The following ALG14 variants were observed in gnomAD, a reference collection of about 807,000 sequenced individuals.
ALG14 encodes the protein UDP-N-acetylglucosamine transferase subunit ALG14.
In ALG14, 17 loss-of-function variants were observed where a neutral mutation model predicts 22.8. The observed-to-expected ratio is 0.75, with a 90% CI of 0.51 to 1.12. ALG14 has a LOEUF of 1.12. Ranked by LOEUF, ALG14 falls within the 50% of genes most tolerant of loss-of-function variation. ALG14 has a pLI of 0.00. For missense variants in ALG14, 288 were observed against 271.8 expected (o/e 1.06, Z -0.42); for synonymous variants, 89 against 103.7 (o/e 0.86, Z 0.86).
Position 94,982,699 on chromosome 1 carries a change from C to CAAAAAAAAAAAAA in ALG14, c.*364_*376dup, listed in dbSNP as rs368855559. 5 of 79,464 alleles carry CAAAAAAAAAAAAA rather than the reference C, an allele frequency of 6.3e-5. No homozygotes were observed. Among genetic ancestry groups the CAAAAAAAAAAAAA allele is most frequent in the Non-Finnish European group, 8.8e-5 (4 of 45,674 alleles). The allele number at this position is 79,464 out of a possible 1,614,324, so 4.9% of individuals were successfully genotyped here. A position where few individuals can be genotyped will look rare whatever the true frequency, so the allele number is the denominator to read the frequency against. Reference sequence around the variant, plus strand: ...TTCTTTTACAATGCAGAATACTTTACAAAAAAAAAAAAAAAAAAAAAAAGC... The same window carrying CAAAAAAAAAAAAA: ...TTCTTTTACAATGCAGAATACTTTACAAAAAAAAAAAAAAAAAAAAAAAAAAAAAAAAAAAAGC... On this transcript the variant is annotated 3_prime_UTR_variant, in exon 4 of 4. Transcript: ENST00000370205.
chr1:95,038,977 C>T (rs1674296292), intron 2 of ALG14, among the ~76,000 whole-genome samples: 1 of 152,178 alleles, frequency 6.6e-6, no homozygotes, highest in Non-Finnish European at 1.5e-5. Flanking sequence ...CCACCTTGGC[C>T]TCCCAAATTG....
At position 95,002,685 on chromosome 1, in the gene ALG14, T is replaced by C. The variant is rs565175375; in HGVS notation, c.421-19379A>G. ...TTTGGGGAGCCAGTAGATGACAAGA[T>C]TCCTCCTGCAGGCAAAAGTGAATTA... On this transcript the variant is annotated intron_variant, in intron 3 of 3. Transcript: ENST00000370205. 4.6e-5 allele frequency among the ~76,000 whole-genome samples: 7 copies of C among 152,292 alleles called. No homozygotes were observed. The South Asian group carries it at 1.5e-3, about 32-fold the overall frequency.
At chr1:95,025,806 T>C (rs377108539) in intron 3 of ALG14, among the ~76,000 whole-genome samples, 2 of 152,222 alleles carry the variant, frequency 1.3e-5, no homozygotes, top group East Asian at 1.9e-4. Flanking sequence ...TAGGACCTTG[T>C]CCTGAATTAG....
intron 3 of ALG14, among the ~76,000 whole-genome samples, chr1:94,987,618 G>A (rs1355486424): frequency 6.6e-6 from 1 of 152,164 alleles, no homozygotes; most frequent in African/African-American, 2.4e-5. Context: ...AGTCCCATTG[G>A]CTGAAACATA....
At chr1:95,035,171 A>G (rs1368090654) in intron 2 of ALG14, among the ~76,000 whole-genome samples, 1 of 151,008 alleles carries the variant, frequency 6.6e-6, no homozygotes, top group East Asian at 1.9e-4. Context: ...CCTAGAAAGG[A>G]TGTTTTTGTT....
At chr1:95,044,147 C>T (rs1674470973) in intron 2 of ALG14, among the ~76,000 whole-genome samples, 2 of 152,184 alleles carry the variant, frequency 1.3e-5, no homozygotes, top group South Asian at 4.1e-4. Context: ...GTTAACTCCA[C>T]TTTCAAAAAC....
chr1:95,058,694 A>G (rs1675029280), intron 2 of ALG14, among the ~76,000 whole-genome samples: 1 of 151,448 alleles, frequency 6.6e-6, no homozygotes, highest in African/African-American at 2.4e-5. Context: ...CCTTTCTCAA[A>G]AAAAAAAAAA....
chr1:94,998,770 A>G (rs1055001783), intron 3 of ALG14, among the ~76,000 whole-genome samples: 1 of 152,190 alleles, frequency 6.6e-6, no homozygotes, highest in Non-Finnish European at 1.5e-5. Flanking sequence ...ATGGCAGGTA[A>G]CTAACTCATA....
chr1:95,024,137 C>T (rs974947769), intron 3 of ALG14, among the ~76,000 whole-genome samples: 15 of 152,068 alleles, frequency 9.9e-5, no homozygotes, highest in Admixed American at 2.6e-4. Context: ...TCATTCGATC[C>T]GGCTAATTTT....
rs1675577976 is a variant in ALG14 at position 95,071,871 on chromosome 1, G to A, written c.136+892C>T. The stretch of plus-strand genomic sequence containing the variant: ...AAGATTATAGCATTTATCTCATTGT[G>A]GCAAATACTCATTTTGATTTATTTT... On this transcript the variant is annotated intron_variant, in intron 1 of 3. Transcript: ENST00000370205. Among the ~76,000 whole-genome samples, 6 of 152,230 alleles carry A rather than the reference G, an allele frequency of 3.9e-5. No homozygotes were observed. In the South Asian group the frequency reaches 1.2e-3, roughly 32 times the overall value.
At chr1:95,062,467 A>T (rs1450177265) in intron 2 of ALG14, among the ~76,000 whole-genome samples, 1 of 151,852 alleles carries the variant, frequency 6.6e-6, no homozygotes, top group Non-Finnish European at 1.5e-5. Context: ...TCCCTTCAAC[A>T]GGCCCCAATG....
intron 3 of ALG14, among the ~76,000 whole-genome samples, chr1:94,992,420 C>A (rs371301847): frequency 1.3e-5 from 2 of 152,130 alleles, no homozygotes; most frequent in Non-Finnish European, 2.9e-5. Context: ...GACTTACTTA[C>A]AAGCAAGTAT....
At chr1:95,029,288 TTAAG>T (rs571712736) in intron 2 of ALG14, among the ~76,000 whole-genome samples, 115 of 152,338 alleles carry the variant, frequency 7.5e-4, no homozygotes, top group African/African-American at 2.6e-3. Flanking sequence ...GGCTCCTTAA[TTAAG>T]TGTTCTCATT....
chr1:95,018,764 CT>C (rs1673578387), intron 3 of ALG14, among the ~76,000 whole-genome samples: 1 of 152,062 alleles, frequency 6.6e-6, no homozygotes, highest in African/African-American at 2.4e-5. Context: ...TTTTCTCTCC[CT>C]GTGTGACTTC....
intron 2 of ALG14, among the ~76,000 whole-genome samples, chr1:95,049,782 G>C (rs985101043): frequency 2.6e-5 from 4 of 151,652 alleles, no homozygotes; most frequent in African/African-American, 9.7e-5. Context: ...GAGACAGGAG[G>C]ATCACTTGAA....
intron 3 of ALG14, among the ~76,000 whole-genome samples, chr1:94,991,438 G>A (rs1368834464): frequency 6.6e-6 from 1 of 152,192 alleles, no homozygotes; most frequent in African/African-American, 2.4e-5. Flanking sequence ...ACTGAATACT[G>A]TAGGCAACTA....
At chr1:95,027,011 T>G in intron 3 of ALG14, 118 bp downstream of exon 3, 3 of 1,306,874 alleles carry the variant, frequency 2.3e-6, no homozygotes, top group Non-Finnish European at 3.1e-6. Context: ...GTTCAGGGTC[T>G]TGCATACTAC....
intron 3 of ALG14, among the ~76,000 whole-genome samples, chr1:94,984,614 T>C (rs1447975199): frequency 6.6e-6 from 1 of 152,218 alleles, no homozygotes; most frequent in African/African-American, 2.4e-5. Flanking sequence ...AGAATTTGTC[T>C]TCAGACTTTC....
chr1:95,063,026 T>G (rs572242747), intron 2 of ALG14, among the ~76,000 whole-genome samples: 8 of 152,360 alleles, frequency 5.3e-5, no homozygotes, highest in Non-Finnish European at 1.0e-4. Context: ...ATTGTGGTTT[T>G]GATTTGCGTT....
Sources: allele counts gnomAD v4.1 joint callset (sites outside exome capture counted in the v4.1 genomes callset), GRCh38; gene constraint gnomAD v4.1.1; transcripts MANE v1.5; gene names NCBI Gene and HGNC (gene_info 2026-07-23, HGNC 2026-07-21).